The following SHANK2 variants were observed in gnomAD, a reference collection of about 807,000 sequenced individuals.
SHANK2 encodes the protein SH3 and multiple ankyrin repeat domains protein 2.
A neutral mutation model predicts 133.7 loss-of-function variants in SHANK2; 43 were observed. The observed-to-expected ratio is 0.32, with a 90% CI of 0.25 to 0.41. The LOEUF (loss-of-function observed/expected upper bound fraction) is 0.41. Ranked by LOEUF, SHANK2 falls within the 10% of genes least tolerant of loss-of-function variation. The pLI, the probability that SHANK2 is intolerant of heterozygous loss-of-function variation, is 1.00. For missense variants in SHANK2, 1,994 were observed against 2,235.8 expected (o/e 0.89, Z 2.18); for synonymous variants, 1,017 against 952.8 (o/e 1.07, Z -1.24).
In SHANK2 at chr11:70,822,834, T is replaced by TG. The variant is rs145988984; in HGVS notation, c.1175-2153dup. On this transcript the variant is annotated intron_variant, in intron 11 of 25. Coordinates refer to ENST00000601538, the MANE Select transcript of SHANK2 (RefSeq NM_012309.5). ...ACAGAGGTGGCGCTGGCAGAGCTCATGGGGGTCAGAGGTGGCGTTGGCAGA... is the reference window on the plus strand; with the variant it reads ...ACAGAGGTGGCGCTGGCAGAGCTCATGGGGGGTCAGAGGTGGCGTTGGCAGA... Among the ~76,000 whole-genome samples the TG allele has an allele frequency of 1.8e-3, 83 of 45,024 alleles. 29 individuals are homozygous for TG. Among genetic ancestry groups the TG allele is most frequent in the Non-Finnish European group, 3.1e-3 (66 of 21,294 alleles). The allele number at this position is 45,024 out of a possible 152,430, so 29.5% of individuals were successfully genotyped here. A position where few individuals can be genotyped will look rare whatever the true frequency, so the allele number is the denominator to read the frequency against.
intron 11 of SHANK2, among the ~76,000 whole-genome samples, chr11:70,832,619 T>C (rs1948742271): frequency 6.6e-6 from 1 of 152,130 alleles, no homozygotes; most frequent in African/African-American, 2.4e-5. Flanking sequence ...TTTTTCTGAG[T>C]GTTCCAGAGC....
At chr11:70,866,448 C>T (rs1019348414) in intron 11 of SHANK2, among the ~76,000 whole-genome samples, 27 of 152,288 alleles carry the variant, frequency 1.8e-4, no homozygotes, top group Admixed American at 9.1e-4. Context: ...AAGAAGGGAA[C>T]AGATAAGACC....
chr11:70,659,562 C>T (rs2061454127), intron 17 of SHANK2, among the ~76,000 whole-genome samples: 1 of 152,190 alleles, frequency 6.6e-6, no homozygotes, highest in Non-Finnish European at 1.5e-5. Context: ...CCTCCTCTTT[C>T]TACCTTCTAC....
chr11:71,095,575 G>C (rs1030860102), intron 6 of SHANK2, among the ~76,000 whole-genome samples: 17 of 152,312 alleles, frequency 1.1e-4, no homozygotes, highest in African/African-American at 4.1e-4. Context: ...CGGTCTCGAA[G>C]CACATTCCAG....
intron 2 of SHANK2, among the ~76,000 whole-genome samples, chr11:71,215,852 C>T (rs1954400458): frequency 1.3e-5 from 2 of 152,202 alleles, no homozygotes; most frequent in African/African-American, 4.8e-5. Context: ...GAGTCAGGCT[C>T]CCGCAGCACC....
rs782241479 is a variant in SHANK2, at chr11:70,486,699, G to A, written c.3594C>T (p.Pro1198=). The A allele has an allele frequency of 1.6e-5, 26 of 1,610,518 alleles. No homozygotes were observed. Among genetic ancestry groups the A allele is most frequent in the Admixed American group, 1.7e-5 (1 of 59,994 alleles). ...CTGTGAGTGGGTGGACATAATTCCC[G>A]GGGCCGGCTGTGCCGCTGCTCGCGG... ...VPSASSGTAG[P]GNYVHPLTGR... is the part of the protein sequence containing the mutation. The change falls in exon 25 of 26, where the codon CCC becomes CCT. Residue 1198 remains proline, a synonymous_variant. Coordinates refer to ENST00000601538, the MANE Select transcript of SHANK2 (RefSeq NM_012309.5). This position sits in a 1 kb window ranked among gnomAD's most constrained non-coding sequence, Gnocchi z 8.0.
rs139444552 is a variant in SHANK2 at position 71,180,181 on chromosome 11, T to C, written c.-12-32843A>G. Among the ~76,000 whole-genome samples the C allele has an allele frequency of 7.3e-4, 111 of 152,350 alleles. 2 individuals carry two copies. Among genetic ancestry groups the C allele is most frequent in the East Asian group, 1.9e-3 (10 of 5,184 alleles). On this transcript the variant is annotated intron_variant, in intron 2 of 25. Transcript: ENST00000601538. ...AACATGACTCAGAAGCAAATAGCTCTGGGCATCCTTATTCCAGGTGTACTC... is the reference window on the plus strand; with the variant it reads ...AACATGACTCAGAAGCAAATAGCTCCGGGCATCCTTATTCCAGGTGTACTC...
chr11:71,201,665 T>A (rs1343469139), intron 2 of SHANK2, among the ~76,000 whole-genome samples: 2 of 152,064 alleles, frequency 1.3e-5, no homozygotes, highest in African/African-American at 4.8e-5. Flanking sequence ...GGCTGAGAAG[T>A]ATAGGTCACA....
intron 15 of SHANK2, among the ~76,000 whole-genome samples, chr11:70,683,568 C>A (rs375207857): frequency 6.6e-6 from 1 of 152,194 alleles, no homozygotes; most frequent in Non-Finnish European, 1.5e-5. Flanking sequence ...TCTCTCACAG[C>A]GCTGGAGGCC....
At chr11:70,717,221 G>T (rs950323864) in intron 14 of SHANK2, among the ~76,000 whole-genome samples, 12 of 152,156 alleles carry the variant, frequency 7.9e-5, no homozygotes, top group African/African-American at 2.9e-4. Flanking sequence ...GAAAGAACAC[G>T]CCAGAAAATG....
intron 2 of SHANK2, among the ~76,000 whole-genome samples, chr11:71,184,056 G>T (rs1490807536): frequency 6.6e-6 from 1 of 152,134 alleles, no homozygotes; most frequent in Non-Finnish European, 1.5e-5. Context: ...CTACAACCCT[G>T]ACGACTCCAT....
intron 17 of SHANK2, among the ~76,000 whole-genome samples, chr11:70,599,919 G>A (rs1488555482): frequency 1.7e-5 from 1 of 59,170 alleles, no homozygotes; most frequent in African/African-American, 7.4e-5. Flanking sequence ...AAGAAAGAAA[G>A]AAAGAAAGAA....
chr11:70,588,854 G>A (rs958245840), intron 17 of SHANK2, among the ~76,000 whole-genome samples: 18 of 152,356 alleles, frequency 1.2e-4, no homozygotes, highest in African/African-American at 4.3e-4. Context: ...GTCGCGCTCT[G>A]TCGCCCAGGC....
At chr11:70,489,972 C>CA in intron 23 of SHANK2, 1 of 156,434 alleles carries the variant, frequency 6.4e-6, no homozygotes, top group Admixed American at 6.3e-5. Context: ...CTCGCACCAC[C>CA]CCGCCCACCC....
At position 70,778,856 on chromosome 11, in the gene SHANK2, C is replaced by T. The variant is rs186807946; in HGVS notation, c.1777+19587G>A. 2.0e-4 allele frequency among the ~76,000 whole-genome samples: 31 copies of T among 152,304 alleles called. No individual in the cohort carries two copies. The East Asian group carries it at 2.1e-3, about 10-fold the overall frequency. ...GTAGCACTAAGAAGGTTTCTAACCC[C>T]GTGAATGTCCGGGCCATGTCACTGC... On this transcript the variant is annotated intron_variant, in intron 14 of 25. Coordinates refer to ENST00000601538, the MANE Select transcript of SHANK2 (RefSeq NM_012309.5).
intron 9 of SHANK2, among the ~76,000 whole-genome samples, chr11:71,062,414 G>A (rs965322998): frequency 6.6e-6 from 1 of 152,210 alleles, no homozygotes; most frequent in Non-Finnish European, 1.5e-5. Context: ...GGCCTGGTGG[G>A]GTCAGCAAAG....
intron 17 of SHANK2, among the ~76,000 whole-genome samples, chr11:70,537,032 C>G (rs1554974287): frequency 6.6e-6 from 1 of 152,174 alleles, no homozygotes. Flanking sequence ...AGAGGGTTCC[C>G]CAGATGAGGC....
chr11:71,144,696 C>T (rs1349669588), intron 3 of SHANK2, among the ~76,000 whole-genome samples: 1 of 152,160 alleles, frequency 6.6e-6, no homozygotes, highest in Admixed American at 6.5e-5. Flanking sequence ...AAAAAAATTC[C>T]AGCCTTCCAG....
intron 9 of SHANK2, among the ~76,000 whole-genome samples, chr11:71,057,168 CTACAAAAA>C (rs2135920625): frequency 6.6e-6 from 1 of 152,242 alleles, no homozygotes; most frequent in South Asian, 2.1e-4. Context: ...AACCCCATCT[CTACAAAAA>C]TACAAAAATT....
Sources: allele counts gnomAD v4.1 joint callset (sites outside exome capture counted in the v4.1 genomes callset), GRCh38; gene constraint gnomAD v4.1.1; non-coding constraint Gnocchi (gnomAD v3.1); transcripts MANE v1.5; gene names NCBI Gene and HGNC (gene_info 2026-07-23, HGNC 2026-07-21).